Variants in NAV2 observed in about 807,000 individuals in gnomAD.
The protein encoded by NAV2 is neuron navigator 2, also known as helicase, APC down-regulated 1.
A neutral mutation model predicts 223.2 loss-of-function variants in NAV2; 54 were observed. The ratio of observed to expected loss-of-function variants is 0.24; its 90% CI spans 0.19 to 0.30. The LOEUF is 0.30. NAV2 is among the 10% of genes least tolerant of loss of function. NAV2 has a pLI of 1.00. For synonymous variants in NAV2, 1,279 were observed against 1,239.3 expected (o/e 1.03, Z -0.67); for missense variants, 2,806 against 3,147.5 (o/e 0.89, Z 2.60).
chr11:19,976,877 G>A (rs916883304), intron 10 of NAV2, among the ~76,000 whole-genome samples: 2 of 152,276 alleles, frequency 1.3e-5, no homozygotes, highest in South Asian at 4.1e-4. Context: ...GAACCAAGGT[G>A]GTGTGTGTTG....
intron 1 of NAV2, among the ~76,000 whole-genome samples, chr11:19,573,628 G>A (rs1247046949): frequency 6.6e-6 from 1 of 152,198 alleles, no homozygotes; most frequent in African/African-American, 2.4e-5. Context: ...CTTATGGATG[G>A]GAAAGCTAGG....
chr11:19,791,514 A>C (rs1180979949), intron 1 of NAV2, among the ~76,000 whole-genome samples: 2 of 152,210 alleles, frequency 1.3e-5, no homozygotes, highest in Non-Finnish European at 2.9e-5. Flanking sequence ...TAATCTGCAC[A>C]TGAGAGAGAC....
chr11:19,951,346 G>A (rs768528210), intron 10 of NAV2, among the ~76,000 whole-genome samples: 1 of 152,130 alleles, frequency 6.6e-6, no homozygotes, highest in Non-Finnish European at 1.5e-5. Flanking sequence ...AATTAATGGA[G>A]TGAGAAATTA....
At chr11:20,084,543 CTATGGGTGAGGG>C (rs982798590) in intron 26 of NAV2, among the ~76,000 whole-genome samples, 1 of 152,146 alleles carries the variant, frequency 6.6e-6, no homozygotes, top group African/African-American at 2.4e-5. Context: ...CTTCCTACTG[CTATGGGTGAGGG>C]TAAAATTGAA....
At chr11:19,850,688 G>A (rs1323015610) in intron 3 of NAV2, among the ~76,000 whole-genome samples, 1 of 152,136 alleles carries the variant, frequency 6.6e-6, no homozygotes, top group Non-Finnish European at 1.5e-5. Flanking sequence ...TTACTCTCAG[G>A]ACTTGTGGTT....
intron 1 of NAV2, among the ~76,000 whole-genome samples, chr11:19,756,560 C>T (rs1002675113): frequency 6.6e-6 from 1 of 152,196 alleles, no homozygotes; most frequent in Admixed American, 6.5e-5. Context: ...TTCTTTCTCA[C>T]CCAGCTCCCT....
At chr11:19,543,421 A>C (rs2044393407) in intron 1 of NAV2, among the ~76,000 whole-genome samples, 1 of 152,202 alleles carries the variant, frequency 6.6e-6, no homozygotes, top group African/African-American at 2.4e-5. Flanking sequence ...GTGAAATGTC[A>C]CTGGGCTTTT....
intron 11 of NAV2, among the ~76,000 whole-genome samples, chr11:20,008,569 T>A (rs1400627048): frequency 6.6e-6 from 1 of 152,148 alleles, no homozygotes; most frequent in Non-Finnish European, 1.5e-5. Flanking sequence ...GGATAGAGGC[T>A]CAGATGAAAG....
At chr11:20,043,098 T>C (rs368909612) in intron 12 of NAV2, among the ~76,000 whole-genome samples, 5 of 152,302 alleles carry the variant, frequency 3.3e-5, no homozygotes, top group South Asian at 4.1e-4. Flanking sequence ...CTCTCCGCAT[T>C]TGGGGGAAGT....
chr11:19,609,667 A>G (rs922652452), intron 1 of NAV2, among the ~76,000 whole-genome samples: 1 of 152,210 alleles, frequency 6.6e-6, no homozygotes. Flanking sequence ...GAGACTAACC[A>G]CTGCATGCCT....
intron 1 of NAV2, among the ~76,000 whole-genome samples, chr11:19,356,682 G>A (rs1309189596): frequency 1.3e-5 from 2 of 152,214 alleles, no homozygotes; most frequent in Admixed American, 1.3e-4. Context: ...GGGGGCTGCA[G>A]CTGGGATGGA....
chr11:19,786,506 A>C (rs574852056), intron 1 of NAV2, among the ~76,000 whole-genome samples: 1 of 152,220 alleles, frequency 6.6e-6, no homozygotes, highest in Admixed American at 6.5e-5. Context: ...TGTTTACTGT[A>C]AGGTCATTGA....
intron 1 of NAV2, among the ~76,000 whole-genome samples, chr11:19,660,580 A>T (rs2048249979): frequency 6.6e-6 from 1 of 152,162 alleles, no homozygotes; most frequent in Non-Finnish European, 1.5e-5. Flanking sequence ...AAAAGTCAGG[A>T]TAACCCAACC....
At position 20,118,507 on chromosome 11, in the gene NAV2, G is replaced by A. The variant is rs1366571257; in HGVS notation, c.*249G>A. 7.0e-6 allele frequency: 3 copies of A among 425,588 alleles called. No homozygotes were observed. Among genetic ancestry groups the A allele is most frequent in the Non-Finnish European group, 1.3e-5 (3 of 235,702 alleles). The allele number at this position is 425,588 out of a possible 1,614,324, so 26.4% of individuals were successfully genotyped here. On this transcript the variant is annotated 3_prime_UTR_variant, in exon 38 of 38. Coordinates refer to ENST00000349880, the MANE Select transcript of NAV2 (RefSeq NM_145117.5). ...TGTACTTTAATTATTGTTTTGCCTTGTTGCTGTGACCTCCCTAAGACACTG... is the reference window on the plus strand; with the variant it reads ...TGTACTTTAATTATTGTTTTGCCTTATTGCTGTGACCTCCCTAAGACACTG...
intron 8 of NAV2, among the ~76,000 whole-genome samples, chr11:19,945,640 G>A (rs981748183): frequency 6.6e-6 from 1 of 152,164 alleles, no homozygotes; most frequent in Non-Finnish European, 1.5e-5. Context: ...CACTGCACCT[G>A]ACCCCCAGCT....
chr11:19,749,272 C>T (rs570399226), intron 1 of NAV2, among the ~76,000 whole-genome samples: 3 of 152,254 alleles, frequency 2.0e-5, no homozygotes, highest in South Asian at 4.1e-4. Flanking sequence ...ATGCTGAAAC[C>T]AAGCAAGGTG....
chr11:19,593,362 A>G (rs1590631508), intron 1 of NAV2, among the ~76,000 whole-genome samples: 1 of 152,042 alleles, frequency 6.6e-6, no homozygotes, highest in African/African-American at 2.4e-5. Flanking sequence ...GTTCTGTTCC[A>G]TGGATATGCC....
intron 1 of NAV2, among the ~76,000 whole-genome samples, chr11:19,707,124 G>C (rs1242375243): frequency 6.6e-6 from 1 of 152,192 alleles, no homozygotes; most frequent in African/African-American, 2.4e-5. Context: ...CAGTGAGTGA[G>C]TGGTGAGAGA....
At position 20,083,769 on chromosome 11, in the gene NAV2, A is replaced by G. The variant is rs139371124; in HGVS notation, c.5498+590A>G. 2.4e-3 allele frequency among the ~76,000 whole-genome samples: 362 copies of G among 152,340 alleles called. 1 individual carries two copies. Among genetic ancestry groups the G allele is most frequent in the African/African-American group, 8.5e-3 (352 of 41,578 alleles). The stretch of plus-strand genomic sequence containing the variant: ...TATAAACTTCAGTTTCCTCACTAGT[A>G]AAAATAGGGTTCATTACATCTACTT... On this transcript the variant is annotated intron_variant, in intron 26 of 37. Coordinates refer to ENST00000349880, the MANE Select transcript of NAV2 (RefSeq NM_145117.5).
Sources: gnomAD v4.1 joint callset for allele counts (sites outside exome capture counted in the v4.1 genomes callset) on GRCh38, gnomAD v4.1.1 for gene constraint, MANE v1.5 for transcripts, NCBI Gene and HGNC (gene_info 2026-07-23, HGNC 2026-07-21) for gene names.